CNTNAP1: variants seen among roughly 807,000 people sequenced by gnomAD.
The protein encoded by CNTNAP1 is contactin associated protein 1, also known as contactin-associated protein 1.
CNTNAP1 carries 80 observed loss-of-function variants against 161.5 expected under a neutral mutation model. That is an observed-to-expected ratio of 0.50 (90% CI 0.41 to 0.60). The LOEUF (loss-of-function observed/expected upper bound fraction) is 0.60, where lower values mean the gene tolerates loss of function less well. Ranked by LOEUF, CNTNAP1 falls within the 20% of genes least tolerant of loss-of-function variation. The probability of loss-of-function intolerance (pLI) is 0.00; values close to 1 mark genes in which losing one functional copy is unlikely to be tolerated. For missense variants in CNTNAP1, 1,464 were observed against 1,854.8 expected (o/e 0.79, Z 3.87); for synonymous variants, 695 against 733.1 (o/e 0.95, Z 0.84).
Position 42,691,072 on chromosome 17 carries a change from G to A in CNTNAP1, c.2060-65G>A, listed in dbSNP as rs2053080222. On this transcript the variant is annotated intron_variant, in intron 13 of 23. Transcript: ENST00000264638. This position sits in a 1 kb window ranked among gnomAD's most constrained non-coding sequence, Gnocchi z 4.3. ...AGGAGGGGTCTGAACTCGCTGGAAGGGCGAGAGGAGCCCAGAGGCTAATGG... is the reference window on the plus strand; with the variant it reads ...AGGAGGGGTCTGAACTCGCTGGAAGAGCGAGAGGAGCCCAGAGGCTAATGG... The A allele has an allele frequency of 6.9e-6, 11 of 1,599,568 alleles. No homozygotes were observed. In the Admixed American group the frequency reaches 1.7e-4, roughly 25 times the overall value.
Position 42,695,819 on chromosome 17 carries a change from G to T in CNTNAP1, c.3291G>T (p.Leu1097=). 4 of 1,614,230 alleles carry T rather than the reference G, an allele frequency of 2.5e-6. No individual in the cohort carries two copies. The highest frequency in any genetic ancestry group is 3.4e-6 in the Non-Finnish European group (4 of 1,180,048). Residue 1097 remains leucine (L), a synonymous_variant, in exon 19 of 24, where the codon CTG becomes CTT. Transcript: ENST00000264638. ...GCACCAGCTCCGCCCCTGCTGTCCTGCTCTACGTCAGTTCCTTTGTTCGTG... is the reference window on the plus strand; with the variant it reads ...GCACCAGCTCCGCCCCTGCTGTCCTTCTCTACGTCAGTTCCTTTGTTCGTG... ...SFSTSSAPAV[L]LYVSSFVRDY...
At position 42,691,655 on chromosome 17, in the gene CNTNAP1, C is replaced by A; in HGVS notation, c.2344+144C>A. The A allele has an allele frequency of 7.3e-7, 1 of 1,376,448 alleles. No homozygotes were observed. The highest frequency in any genetic ancestry group is 1.0e-6 in the Non-Finnish European group (1 of 991,714). The allele number at this position is 1,376,448 out of a possible 1,614,324, so 85.3% of individuals were successfully genotyped here. A position where few individuals can be genotyped will look rare whatever the true frequency, so the allele number is the denominator to read the frequency against. The stretch of plus-strand genomic sequence containing the variant: ...ATGCGATCTCATTACCCCTCTGCAC[C>A]TGGCTCCTCTTTCATTCCACTCCTT... On this transcript the variant is annotated intron_variant, in intron 15 of 23. Coordinates refer to ENST00000264638, the MANE Select transcript of CNTNAP1 (RefSeq NM_003632.3). This position sits in a 1 kb window ranked among gnomAD's most constrained non-coding sequence, Gnocchi z 4.3.
At chr17:42,688,096 G>A in intron 8 of CNTNAP1, 115 bp downstream of exon 8, 2 of 1,444,974 alleles carry the variant, frequency 1.4e-6, no homozygotes, top group Non-Finnish European at 9.2e-7. Context: ...GAGTGAAGGG[G>A]GCAGGGCAGG....
chr17:42,682,583 A>G lies in CNTNAP1; in HGVS notation c.-247A>G, dbSNP rs1441624568. The G allele has an allele frequency of 3.8e-6, 2 of 529,332 alleles. No homozygotes were observed. Among genetic ancestry groups the G allele is most frequent in the Non-Finnish European group, 6.7e-6 (2 of 298,570 alleles). The allele number at this position is 529,332 out of a possible 1,614,324, so 32.8% of individuals were successfully genotyped here. ...GCTGGGGAAGGGGGGAGGTGAGAGG[A>G]AAGAGGGTGGAAAGGAGAGGATAGA... On this transcript the variant is annotated 5_prime_UTR_variant, in exon 1 of 24. Coordinates refer to ENST00000264638, the MANE Select transcript of CNTNAP1 (RefSeq NM_003632.3).
chr17:42,693,188 T>C, intron 17 of CNTNAP1, 109 bp from the exon 18 acceptor site: 4 of 1,288,692 alleles, frequency 3.1e-6, no homozygotes, highest in Non-Finnish European at 4.4e-6. Flanking sequence ...CTCGATCTCC[T>C]GAGCTCGTGA....
At chr17:42,686,474 T>TTTTTG (rs2053013095) in intron 6 of CNTNAP1, among the ~76,000 whole-genome samples, 1 of 110,576 alleles carries the variant, frequency 9.0e-6, no homozygotes, top group Admixed American at 8.5e-5. Flanking sequence ...GGCCTGTTTT[T>TTTTTG]TTTTTTTTTT....
At chr17:42,697,106 G>A (rs1023881149) in intron 20 of CNTNAP1, among the ~76,000 whole-genome samples, 168 bp from the exon 21 acceptor site, 1 of 152,090 alleles carries the variant, frequency 6.6e-6, no homozygotes, top group Non-Finnish European at 1.5e-5. Flanking sequence ...ACTTCAGATT[G>A]AGCTAGGACT....
chr17:42,697,047 T>C (rs746627291), intron 20 of CNTNAP1, among the ~76,000 whole-genome samples: 1 of 151,762 alleles, frequency 6.6e-6, no homozygotes, highest in Non-Finnish European at 1.5e-5. Context: ...AAAATAATAA[T>C]AATAAAAATA....
At position 42,691,126 on chromosome 17, in the gene CNTNAP1, C is replaced by G; in HGVS notation, c.2060-11C>G. 5.6e-6 allele frequency: 9 copies of G among 1,613,162 alleles called. No individual in the cohort carries two copies. In the South Asian group the frequency reaches 8.8e-5, roughly 16 times the overall value. On this transcript the variant is annotated splice_polypyrimidine_tract_variant and intron_variant, in intron 13 of 23. Transcript: ENST00000264638. This position sits in a 1 kb window ranked among gnomAD's most constrained non-coding sequence, Gnocchi z 4.3. ...GACAGGGCCTGGAAGCTGCCTGCAC[C>G]TCTTCCCCAGGAGGCTACCCCTACA...
intron 20 of CNTNAP1, 61 bp from the exon 21 acceptor site, chr17:42,697,213 C>G: frequency 2.9e-5 from 33 of 1,157,268 alleles, no homozygotes; most frequent in Non-Finnish European, 4.3e-5. Flanking sequence ...GTCCAGCCCA[C>G]AGGCATCTGC....
rs531901455 is a variant in CNTNAP1 at position 42,688,801 on chromosome 17, C to T, written c.1457-75C>T. The T allele has an allele frequency of 1.2e-3, 1,852 of 1,570,732 alleles. 21 individuals carry two copies. The South Asian group carries it at 0.02, about 17-fold the overall frequency. On this transcript the variant is annotated intron_variant, in intron 9 of 23. Coordinates refer to ENST00000264638, the MANE Select transcript of CNTNAP1 (RefSeq NM_003632.3). The stretch of plus-strand genomic sequence containing the variant: ...CCCCTTTCTTCCTTTATGTCTGGCT[C>T]CCCCTCAGCATGTCCCTGGGGGAGG...
intron 6 of CNTNAP1, among the ~76,000 whole-genome samples, 180 bp from the exon 7 acceptor site, chr17:42,686,723 A>G (rs1359731907): frequency 6.6e-6 from 1 of 152,268 alleles, no homozygotes; most frequent in African/African-American, 2.4e-5. Context: ...TGTTGGAGTC[A>G]GAGCTTGAAC....
intron 9 of CNTNAP1, 36 bp from the exon 10 acceptor site, chr17:42,688,840 C>A: frequency 6.2e-7 from 1 of 1,612,394 alleles, no homozygotes; most frequent in Non-Finnish European, 8.5e-7. Context: ...TTTGGGGTCT[C>A]CCCTGGGGAG....
In CNTNAP1 at chr17:42,682,609, G is replaced by C; in HGVS notation, c.-221G>C. 1 of 590,218 alleles carries C rather than the reference G, an allele frequency of 1.7e-6. No homozygotes were observed. Among genetic ancestry groups the C allele is most frequent in the South Asian group, 2.0e-5 (1 of 50,440 alleles). The allele number at this position is 590,218 out of a possible 1,614,324, so 36.6% of individuals were successfully genotyped here. A position where few individuals can be genotyped will look rare whatever the true frequency, so the allele number is the denominator to read the frequency against. ...AAGAGGGTGGAAAGGAGAGGATAGAGAGAGAAGAGCGGAGGACCAGGAACC... is the reference window on the plus strand; with the variant it reads ...AAGAGGGTGGAAAGGAGAGGATAGACAGAGAAGAGCGGAGGACCAGGAACC... On this transcript the variant is annotated 5_prime_UTR_variant, in exon 1 of 24. Coordinates refer to ENST00000264638, the MANE Select transcript of CNTNAP1 (RefSeq NM_003632.3).
intron 18 of CNTNAP1, among the ~76,000 whole-genome samples, chr17:42,694,650 T>A (rs2053131376): frequency 6.8e-6 from 1 of 146,398 alleles, no homozygotes; most frequent in African/African-American, 2.5e-5. Context: ...AAAAAGCAAA[T>A]CGCTTCTCCA....
intron 20 of CNTNAP1, among the ~76,000 whole-genome samples, chr17:42,696,368 G>C (rs2053152247): frequency 6.6e-6 from 1 of 150,756 alleles, no homozygotes; most frequent in South Asian, 2.1e-4. Flanking sequence ...TTGTTGCCCA[G>C]GCTGGAGTGC....
intron 12 of CNTNAP1, 149 bp from the exon 13 acceptor site, chr17:42,690,590 A>G: frequency 1.4e-6 from 1 of 717,042 alleles, no homozygotes; most frequent in South Asian, 1.7e-5. Flanking sequence ...TTTCCAGCCT[A>G]CAATGCAGAG....
chr17:42,698,458 T>C (rs572574509), intron 23 of CNTNAP1, among the ~76,000 whole-genome samples, 160 bp from the exon 24 acceptor site: 2 of 150,346 alleles, frequency 1.3e-5, no homozygotes, highest in African/African-American at 4.9e-5. Flanking sequence ...TGTGTGTGTG[T>C]GTGTGTGTGT....
At position 42,699,697 on chromosome 17, in the gene CNTNAP1, CAGG is replaced by C. The variant is rs1567978221; in HGVS notation, c.*791_*793del. ...GCTCAGAGATGCTGCTTCATTTACC[CAGG>C]AGGTCATATTCTTTATATATATTTT... is the stretch of plus-strand genomic sequence containing the variant. On this transcript the variant is annotated 3_prime_UTR_variant, in exon 24 of 24. Transcript: ENST00000264638. The C allele has an allele frequency of 6.5e-6, 1 of 152,792 alleles. No homozygotes were observed. Among genetic ancestry groups the C allele is most frequent in the Non-Finnish European group, 1.5e-5 (1 of 68,048 alleles). The allele number at this position is 152,792 out of a possible 1,614,324, so 9.5% of individuals were successfully genotyped here. A position where few individuals can be genotyped will look rare whatever the true frequency, so the allele number is the denominator to read the frequency against.
Sources: allele counts gnomAD v4.1 joint callset (sites outside exome capture counted in the v4.1 genomes callset), GRCh38; gene constraint gnomAD v4.1.1; non-coding constraint Gnocchi (gnomAD v3.1); transcripts MANE v1.5; gene names NCBI Gene and HGNC (gene_info 2026-07-23, HGNC 2026-07-21).